Variants in SPIRE1 observed in about 807,000 individuals in gnomAD.
SPIRE1 encodes protein spire homolog 1.
In SPIRE1, 40 loss-of-function variants were observed where a neutral mutation model predicts 94.1. The observed-to-expected ratio is 0.43, with a 90% CI of 0.33 to 0.55. SPIRE1 has a LOEUF of 0.55. SPIRE1 is among the 20% of genes least tolerant of loss of function. The probability of loss-of-function intolerance (pLI) is 0.06; values close to 1 mark genes in which losing one functional copy is unlikely to be tolerated. For missense variants in SPIRE1, 838 were observed against 975.2 expected (o/e 0.86, Z 1.87); for synonymous variants, 376 against 371.7 (o/e 1.01, Z -0.13).
chr18:12,618,330 G>C (rs1407649832), intron 2 of SPIRE1, among the ~76,000 whole-genome samples: 4 of 151,812 alleles, frequency 2.6e-5, no homozygotes, highest in Non-Finnish European at 4.4e-5. Flanking sequence ...TTGATTTCCT[G>C]ACCTTGTTAT....
rs539024257 is a variant in SPIRE1, at chr18:12,528,296, G to A, written c.729+7180C>T. On this transcript the variant is annotated intron_variant, in intron 4 of 16. Coordinates refer to ENST00000409402, the MANE Select transcript of SPIRE1 (RefSeq NM_001128626.2). ...GTTCACAGTCTAGTGGGAGATAAAC[G>A]TATACAGTAATTACAACACAGTGTC... Among the ~76,000 whole-genome samples, 215 of 152,260 alleles carry A rather than the reference G, an allele frequency of 1.4e-3. 1 individual carries two copies. In the Middle Eastern group the frequency reaches 0.02, roughly 14 times the overall value.
chr18:12,596,304 TC>T (rs1235915277), intron 2 of SPIRE1, among the ~76,000 whole-genome samples: 20 of 152,164 alleles, frequency 1.3e-4, no homozygotes, highest in Admixed American at 1.0e-3. Flanking sequence ...ACAATTAACT[TC>T]CCCCTCTTGA....
intron 2 of SPIRE1, among the ~76,000 whole-genome samples, chr18:12,608,195 T>C (rs2037041177): frequency 6.6e-6 from 1 of 151,494 alleles, no homozygotes; most frequent in Non-Finnish European, 1.5e-5. Flanking sequence ...TCCATAAATA[T>C]ATCCACCTAC....
At chr18:12,571,678 GT>G (rs1343362567) in intron 2 of SPIRE1, among the ~76,000 whole-genome samples, 4 of 152,240 alleles carry the variant, frequency 2.6e-5, no homozygotes, top group African/African-American at 9.6e-5. Context: ...AAATACTATT[GT>G]AATCCCACAT....
intron 10 of SPIRE1, among the ~76,000 whole-genome samples, chr18:12,466,123 C>T (rs1032113968): frequency 7.2e-5 from 11 of 151,728 alleles, no homozygotes. Flanking sequence ...ATGTCTACAT[C>T]GTGCCAAATA....
intron 2 of SPIRE1, among the ~76,000 whole-genome samples, chr18:12,612,743 A>G (rs141936912): frequency 3.9e-5 from 6 of 152,318 alleles, no homozygotes; most frequent in South Asian, 2.1e-4. Context: ...AACTGAGATG[A>G]CATCTTCGCC....
chr18:12,498,438 G>A (rs1310977332), intron 6 of SPIRE1, among the ~76,000 whole-genome samples: 1 of 152,068 alleles, frequency 6.6e-6, no homozygotes, highest in Non-Finnish European at 1.5e-5. Flanking sequence ...AGTAGAGATG[G>A]GGTTTCACCA....
intron 4 of SPIRE1, among the ~76,000 whole-genome samples, chr18:12,526,672 T>G (rs1433658833): frequency 6.6e-6 from 1 of 152,108 alleles, no homozygotes; most frequent in African/African-American, 2.4e-5. Context: ...GTATTAATCA[T>G]AGTAGCACCC....
At chr18:12,499,220 G>C (rs2033570421) in intron 6 of SPIRE1, among the ~76,000 whole-genome samples, 2 of 152,150 alleles carry the variant, frequency 1.3e-5, no homozygotes, top group Admixed American at 6.5e-5. Context: ...TTCTTTGCAT[G>C]TTGATACCTA....
At position 12,493,219 on chromosome 18, in the gene SPIRE1, T is replaced by C. The variant is rs775772595; in HGVS notation, c.1060-18A>G. On this transcript the variant is annotated intron_variant, in intron 7 of 16. Transcript: ENST00000409402. ...GCTGAGACCTTGAAAGTAAGAAAAA[T>C]GGCTAAAGACTTCAGTAATTAAGTA... 8 of 1,604,218 alleles carry C rather than the reference T, an allele frequency of 5.0e-6. No homozygotes were observed. In the East Asian group the frequency reaches 1.8e-4, roughly 36 times the overall value.
At chr18:12,612,096 T>C (rs1157329364) in intron 2 of SPIRE1, among the ~76,000 whole-genome samples, 2 of 152,168 alleles carry the variant, frequency 1.3e-5, no homozygotes, top group African/African-American at 2.4e-5. Flanking sequence ...CCCACTCCAA[T>C]AAGCCTTTTG....
intron 4 of SPIRE1, among the ~76,000 whole-genome samples, chr18:12,513,792 G>C (rs1464103166): frequency 6.6e-6 from 1 of 151,908 alleles, no homozygotes; most frequent in African/African-American, 2.4e-5. Context: ...CAAAGAGCTG[G>C]GATAACAGGC....
chr18:12,583,216 A>G (rs532758106), intron 2 of SPIRE1, among the ~76,000 whole-genome samples: 53 of 152,350 alleles, frequency 3.5e-4, no homozygotes, highest in Admixed American at 1.7e-3. Flanking sequence ...CACACCTGTA[A>G]TCCCACCACT....
At chr18:12,629,659 G>A (rs868068222) in intron 2 of SPIRE1, among the ~76,000 whole-genome samples, 3 of 152,110 alleles carry the variant, frequency 2.0e-5, no homozygotes, top group African/African-American at 7.2e-5. Context: ...CATGGGGGAC[G>A]TTAAAGGGGT....
chr18:12,577,731 T>C (rs966520201), intron 2 of SPIRE1, among the ~76,000 whole-genome samples: 2 of 152,220 alleles, frequency 1.3e-5, no homozygotes, highest in Non-Finnish European at 2.9e-5. Context: ...ATTAAAACTT[T>C]GCTCTTCAAA....
chr18:12,546,602 A>C (rs2035176832), intron 3 of SPIRE1, 72 bp downstream of exon 3: 3 of 1,152,010 alleles, frequency 2.6e-6, no homozygotes, highest in African/African-American at 3.1e-5. Flanking sequence ...CCATCTCTCC[A>C]GGGGGGGAAA....
At chr18:12,472,141 C>A (rs1343314088) in intron 10 of SPIRE1, among the ~76,000 whole-genome samples, 1 of 152,064 alleles carries the variant, frequency 6.6e-6, no homozygotes, top group Non-Finnish European at 1.5e-5. Flanking sequence ...TTTGTGAAGA[C>A]AAACTGATTT....
chr18:12,527,498 C>T (rs1366351440), intron 4 of SPIRE1, among the ~76,000 whole-genome samples: 1 of 152,136 alleles, frequency 6.6e-6, no homozygotes, highest in Non-Finnish European at 1.5e-5. Flanking sequence ...GGGCTTAGAG[C>T]TGCTGCAGAA....
intron 2 of SPIRE1, among the ~76,000 whole-genome samples, chr18:12,574,800 A>G (rs1223046453): frequency 6.6e-6 from 1 of 152,258 alleles, no homozygotes; most frequent in Non-Finnish European, 1.5e-5. Flanking sequence ...AAGGAGCAAC[A>G]GTGTTGGGAA....
Sources: gnomAD v4.1 joint callset for allele counts (sites outside exome capture counted in the v4.1 genomes callset) on GRCh38, gnomAD v4.1.1 for gene constraint, MANE v1.5 for transcripts, NCBI Gene and HGNC (gene_info 2026-07-23, HGNC 2026-07-21) for gene names.